The following WDR7 variants were observed in gnomAD, a reference collection of about 807,000 sequenced individuals.
WDR7 encodes the protein WD repeat-containing protein 7.
WDR7 carries 46 observed loss-of-function variants against 169.4 expected under a neutral mutation model. The ratio of observed to expected loss-of-function variants is 0.27; its 90% CI spans 0.21 to 0.35. The LOEUF is 0.35. Ranked by LOEUF, WDR7 falls within the 10% of genes least tolerant of loss-of-function variation. The probability of loss-of-function intolerance (pLI) is 1.00; values close to 1 mark genes in which losing one functional copy is unlikely to be tolerated. For missense variants in WDR7, 1,534 were observed against 1,859.3 expected, an observed-to-expected ratio of 0.83 and a Z score of 3.22; for synonymous variants, 612 against 666.8, an observed-to-expected ratio of 0.92 and a Z score of 1.27.
intron 25 of WDR7, among the ~76,000 whole-genome samples, chr18:56,945,790 T>G (rs1178090502): frequency 6.6e-6 from 1 of 152,126 alleles, no homozygotes; most frequent in Non-Finnish European, 1.5e-5. Context: ...TTATGAACAC[T>G]AAACTTTGAA....
chr18:56,658,047 G>A (rs150809039), intron 1 of WDR7, among the ~76,000 whole-genome samples: 1 of 152,154 alleles, frequency 6.6e-6, no homozygotes, highest in African/African-American at 2.4e-5. Flanking sequence ...AGTGCTAAGC[G>A]TTATTCTGTA....
At chr18:56,657,675 A>T (rs570252629) in intron 1 of WDR7, among the ~76,000 whole-genome samples, 30 of 152,310 alleles carry the variant, frequency 2.0e-4, no homozygotes, top group Non-Finnish European at 3.7e-4. Context: ...TTTGAATTCC[A>T]TCCATATGGT....
At chr18:56,743,453 G>T (rs2043650034) in intron 14 of WDR7, among the ~76,000 whole-genome samples, 1 of 152,176 alleles carries the variant, frequency 6.6e-6, no homozygotes, top group Non-Finnish European at 1.5e-5. Context: ...AGAGCCAGGA[G>T]AATGGGCTAA....
At chr18:56,671,854 T>C (rs1246702232) in intron 1 of WDR7, among the ~76,000 whole-genome samples, 1 of 152,218 alleles carries the variant, frequency 6.6e-6, no homozygotes, top group East Asian at 1.9e-4. Context: ...CTTACATTTA[T>C]ACACACACAT....
chr18:56,690,090 A>C (rs1266801124), intron 7 of WDR7, among the ~76,000 whole-genome samples: 7 of 152,306 alleles, frequency 4.6e-5, no homozygotes, highest in African/African-American at 1.7e-4. Context: ...ACAACATTTA[A>C]TGTACTTTTT....
chr18:56,688,451 C>T (rs1418908446), intron 7 of WDR7, among the ~76,000 whole-genome samples: 1 of 151,856 alleles, frequency 6.6e-6, no homozygotes, highest in African/African-American at 2.4e-5. Context: ...GGCATGGTGG[C>T]TCATGCCTGT....
chr18:56,884,470 G>T (rs1270332178), intron 21 of WDR7, among the ~76,000 whole-genome samples: 2 of 152,156 alleles, frequency 1.3e-5, no homozygotes, highest in Non-Finnish European at 2.9e-5. Context: ...TACTCTGCTG[G>T]TGGTTTCTTT....
At chr18:56,682,575 G>A in intron 4 of WDR7, 104 bp from the exon 5 acceptor site, 4 of 1,306,218 alleles carry the variant, frequency 3.1e-6, no homozygotes, top group Non-Finnish European at 4.2e-6. Context: ...AAGAAGTTGA[G>A]CTTTAGGAGA....
At chr18:56,707,244 A>G (rs2025979127) in intron 12 of WDR7, among the ~76,000 whole-genome samples, 1 of 152,128 alleles carries the variant, frequency 6.6e-6, no homozygotes, top group South Asian at 2.1e-4. Context: ...TGGCCTCCCA[A>G]AATGTTGGGA....
chr18:56,771,652 T>A (rs1277153572), intron 16 of WDR7, among the ~76,000 whole-genome samples: 1 of 139,776 alleles, frequency 7.2e-6, no homozygotes, highest in Non-Finnish European at 1.5e-5. Context: ...GAGATTGAGG[T>A]GGGCAGATCA....
intron 25 of WDR7, 100 bp downstream of exon 25, chr18:56,939,493 T>C (rs2047005219): frequency 8.5e-6 from 6 of 706,460 alleles, no homozygotes; most frequent in Non-Finnish European, 1.3e-5. Context: ...CAATTAGAAA[T>C]CCAGTTATTT....
chr18:56,731,682 A>G, intron 14 of WDR7, 85 bp downstream of exon 14: 1 of 1,185,766 alleles, frequency 8.4e-7, no homozygotes, highest in Non-Finnish European at 1.2e-6. Context: ...CTTAGAAAAT[A>G]ATTTTTGAGA....
At chr18:56,679,229 G>C (rs1022533538) in intron 2 of WDR7, 103 bp from the exon 3 acceptor site, 2 of 851,604 alleles carry the variant, frequency 2.3e-6, no homozygotes, top group Non-Finnish European at 3.5e-6. Flanking sequence ...AAAAATCTTA[G>C]CAGTCTACCT....
At chr18:56,742,943 T>TA (rs34217670) in intron 14 of WDR7, among the ~76,000 whole-genome samples, 84,681 of 151,742 alleles carry the variant, frequency 0.56, 25,904 homozygotes, top group East Asian at 0.79. Flanking sequence ...TTTCAAACTT[T>TA]AAAAAAAATT....
Position 56,938,554 on chromosome 18 carries a change from G to A in WDR7, c.3853G>A (p.Ala1285Thr), listed in dbSNP as rs769908609. The A allele has an allele frequency of 2.1e-5, 34 of 1,613,702 alleles. No homozygotes were observed. The highest frequency in any genetic ancestry group is 2.9e-5 in the Non-Finnish European group (34 of 1,179,862). Residue 1285 changes from alanine to threonine, a missense_variant, in exon 24 of 28, where the codon GCA becomes ACA. By Grantham distance (58) the Ala-to-Thr change is moderately conservative. Coordinates refer to ENST00000254442, the MANE Select transcript of WDR7 (RefSeq NM_015285.3). ...GTAGGTACACAGACATACGGCTCTT[G>A]CAGCAAATACCCAATCACAGCAGAA... ...AKEVHRHTAL[A>T]ANTQSQQNMH... is the part of the protein sequence containing the mutation.
intron 21 of WDR7, among the ~76,000 whole-genome samples, chr18:56,882,950 C>T (rs767238471): frequency 4.3e-4 from 65 of 152,128 alleles, no homozygotes; most frequent in Non-Finnish European, 8.2e-4. Flanking sequence ...CGGCTGGGCG[C>T]GGTGGCTCAC....
chr18:56,920,042 C>T (rs1048909473), intron 21 of WDR7, among the ~76,000 whole-genome samples: 15 of 151,908 alleles, frequency 9.9e-5, no homozygotes, highest in African/African-American at 2.4e-5. Context: ...TACACTTCAT[C>T]CCCCCGCCCT....
chr18:56,765,965 C>T (rs1346145526), intron 16 of WDR7, among the ~76,000 whole-genome samples: 3 of 151,490 alleles, frequency 2.0e-5, no homozygotes, highest in Non-Finnish European at 4.4e-5. Context: ...TAGTGAGCGT[C>T]TGCTCTTCAA....
chr18:56,754,192 G>A (rs1326210644), intron 14 of WDR7, among the ~76,000 whole-genome samples: 1 of 151,468 alleles, frequency 6.6e-6, no homozygotes, highest in African/African-American at 2.4e-5. Context: ...GGATTGTGGT[G>A]AGAGGTGAAA....
Sources: allele counts gnomAD v4.1 joint callset (sites outside exome capture counted in the v4.1 genomes callset), GRCh38; gene constraint gnomAD v4.1.1; transcripts MANE v1.5; gene names NCBI Gene and HGNC (gene_info 2026-07-23, HGNC 2026-07-21).